THRB: variants seen among roughly 807,000 people sequenced by gnomAD.
THRB encodes thyroid hormone receptor beta, also known as nuclear receptor subfamily 1 group A member 2.
THRB carries 12 observed loss-of-function variants against 47.8 expected under a neutral mutation model. The observed-to-expected ratio is 0.25, with a 90% confidence interval of 0.16 to 0.41. THRB has a LOEUF of 0.41. THRB is among the 10% of genes least tolerant of loss of function. The probability of loss-of-function intolerance (pLI) is 1.00; values close to 1 mark genes in which losing one functional copy is unlikely to be tolerated. For missense variants in THRB, 348 were observed against 589.2 expected, an observed-to-expected ratio of 0.59 and a Z score of 4.24; for synonymous variants, 218 against 212.2, an observed-to-expected ratio of 1.03 and a Z score of -0.24.
chr3:24,205,491 C>T (rs1305582247), intron 4 of THRB, among the ~76,000 whole-genome samples: 1 of 152,148 alleles, frequency 6.6e-6, no homozygotes, highest in Non-Finnish European at 1.5e-5. Flanking sequence ...ACAAGAGCTC[C>T]TGAAGGAAGC....
At chr3:24,347,607 AC>A (rs1270298262) in intron 1 of THRB, among the ~76,000 whole-genome samples, 1 of 151,086 alleles carries the variant, frequency 6.6e-6, no homozygotes, top group African/African-American at 2.4e-5. Flanking sequence ...AAAGAAAAAA[AC>A]CTTTAAAATT....
intron 1 of THRB, among the ~76,000 whole-genome samples, chr3:24,372,001 G>A (rs75725465): frequency 0.01 from 1,587 of 152,100 alleles, 33 homozygotes; most frequent in African/African-American, 0.036. Context: ...CAATAACACC[G>A]GAAATCATAA....
chr3:24,294,607 T>C (rs1399936536), intron 3 of THRB, among the ~76,000 whole-genome samples: 2 of 152,190 alleles, frequency 1.3e-5, no homozygotes, highest in African/African-American at 4.8e-5. Flanking sequence ...TGTGAACATA[T>C]GCTGCCTAGA....
At chr3:24,228,838 G>A (rs2047959758) in intron 4 of THRB, 100 bp downstream of exon 4, 7 of 1,098,176 alleles carry the variant, frequency 6.4e-6, no homozygotes, top group Admixed American at 2.0e-5. Context: ...GGAAATAACG[G>A]TTGCTAAAAC....
chr3:24,436,452 C>T (rs1329464230), intron 1 of THRB, among the ~76,000 whole-genome samples: 1 of 152,110 alleles, frequency 6.6e-6, no homozygotes, highest in African/African-American at 2.4e-5. Context: ...GTTCAGGTTT[C>T]TTAAAATATA....
At chr3:24,145,527 T>A (rs916338089) in intron 7 of THRB, among the ~76,000 whole-genome samples, 1 of 152,166 alleles carries the variant, frequency 6.6e-6, no homozygotes, top group African/African-American at 2.4e-5. Flanking sequence ...TATTCACATA[T>A]CCCTATCAGG....
intron 8 of THRB, among the ~76,000 whole-genome samples, chr3:24,140,674 A>T (rs2035319638): frequency 6.6e-6 from 1 of 152,132 alleles, no homozygotes; most frequent in South Asian, 2.1e-4. Flanking sequence ...TTATGACCCA[A>T]CCTTAGAAGT....
At chr3:24,272,372 A>AAC (rs758147246) in intron 3 of THRB, among the ~76,000 whole-genome samples, 89 of 96,216 alleles carry the variant, frequency 9.3e-4, no homozygotes, top group Middle Eastern at 6.0e-3. Context: ...CAACAACAAC[A>AAC]AACAAAAACA....
At chr3:24,473,242 C>G (rs1389789199) in intron 1 of THRB, among the ~76,000 whole-genome samples, 1 of 152,184 alleles carries the variant, frequency 6.6e-6, no homozygotes, top group Non-Finnish European at 1.5e-5. Context: ...TTTGGCATAT[C>G]AATTTTTAAA....
intron 7 of THRB, chr3:24,144,255 G>A (rs1214030350): frequency 5.9e-6 from 1 of 170,860 alleles, no homozygotes; most frequent in Non-Finnish European, 1.3e-5. Flanking sequence ...TCCCTTAAGG[G>A]CTAATTGGAA....
chr3:24,286,064 C>G (rs1559833386), intron 3 of THRB, among the ~76,000 whole-genome samples: 1 of 152,100 alleles, frequency 6.6e-6, no homozygotes, highest in Non-Finnish European at 1.5e-5. Context: ...CAAGGAAAGA[C>G]CATGTGAAGG....
chr3:24,146,955 C>T lies in THRB; in HGVS notation c.385-133G>A, dbSNP rs2036176592. The T allele has an allele frequency of 6.8e-6, 5 of 736,620 alleles. No individual in the cohort carries two copies. The South Asian group carries it at 8.2e-5, about 12-fold the overall frequency. 45.6% of individuals were successfully genotyped at this position (736,620 alleles called of 1,614,324 possible). On this transcript the variant is annotated intron_variant, in intron 6 of 10. Transcript: ENST00000646209. The stretch of plus-strand genomic sequence containing the variant: ...ACCTGTTTCTAGGCCTCTAGCTCCA[C>T]ATATTCAAATATAAGACAGTTGGCC...
At chr3:24,386,146 G>A (rs536290848) in intron 1 of THRB, among the ~76,000 whole-genome samples, 4 of 152,102 alleles carry the variant, frequency 2.6e-5, no homozygotes, top group South Asian at 2.1e-4. Flanking sequence ...TGAGGCCCAC[G>A]CCTCCATTTC....
intron 4 of THRB, among the ~76,000 whole-genome samples, chr3:24,210,997 G>C (rs142180285): frequency 0.02 from 2,991 of 152,022 alleles, 91 homozygotes; most frequent in African/African-American, 0.059. Context: ...TCAGGAGTTC[G>C]AGACCAGCCT....
intron 3 of THRB, among the ~76,000 whole-genome samples, chr3:24,287,115 C>A (rs1310154804): frequency 2.0e-5 from 3 of 152,188 alleles, no homozygotes; most frequent in Non-Finnish European, 4.4e-5. Context: ...CCACCACTTG[C>A]AGACCCAATG....
At chr3:24,263,878 A>AC (rs2052354825) in intron 3 of THRB, among the ~76,000 whole-genome samples, 2 of 152,218 alleles carry the variant, frequency 1.3e-5, no homozygotes, top group Admixed American at 1.3e-4. Flanking sequence ...TGTAATAAGT[A>AC]CACAAGTCCT....
chr3:24,174,917 A>G (rs530994462), intron 5 of THRB, among the ~76,000 whole-genome samples: 29 of 152,298 alleles, frequency 1.9e-4, no homozygotes, highest in African/African-American at 6.5e-4. Flanking sequence ...TGCAAATACC[A>G]TATTTATGTC....
chr3:24,313,427 G>A lies in THRB; in HGVS notation c.-188-16056C>T, dbSNP rs1340959753. Among the ~76,000 whole-genome samples, 3 of 152,102 alleles carry A rather than the reference G, an allele frequency of 2.0e-5. No individual in the cohort carries two copies. The East Asian group carries it at 5.8e-4, about 29-fold the overall frequency. ...TTCCCATGCAGCAAACATCCTTGAA[G>A]CTGCTAAGAATATCCTGCCACCCAC... On this transcript the variant is annotated intron_variant, in intron 2 of 10. Coordinates refer to ENST00000646209, the MANE Select transcript of THRB (RefSeq NM_001354712.2).
At chr3:24,344,145 T>C (rs1181345687) in intron 1 of THRB, among the ~76,000 whole-genome samples, 2 of 151,854 alleles carry the variant, frequency 1.3e-5, no homozygotes, top group Admixed American at 6.6e-5. Context: ...ACAATTATCA[T>C]AGTAAAGTTT....
Sources: gnomAD v4.1 joint callset for allele counts (sites outside exome capture counted in the v4.1 genomes callset) on GRCh38, gnomAD v4.1.1 for gene constraint, MANE v1.5 for transcripts, NCBI Gene and HGNC (gene_info 2026-07-23, HGNC 2026-07-21) for gene names.